ZNF516: variants seen among roughly 807,000 people sequenced by gnomAD.
ZNF516 encodes zinc finger protein 516.
In ZNF516, 19 loss-of-function variants were observed where a neutral mutation model predicts 79.7. The ratio of observed to expected loss-of-function variants is 0.24; its 90% CI spans 0.17 to 0.35. ZNF516 has a LOEUF of 0.35. ZNF516 is among the 10% of genes least tolerant of loss of function. The pLI, the probability that ZNF516 is intolerant of heterozygous loss-of-function variation, is 1.00. For missense variants in ZNF516, 1,678 were observed against 1,679.5 expected, an observed-to-expected ratio of 1.00 and a Z score of 0.02; for synonymous variants, 877 against 739.5, an observed-to-expected ratio of 1.19 and a Z score of -3.02.
chr18:76,374,517 T>C (rs145357955), intron 4 of ZNF516, among the ~76,000 whole-genome samples: 43 of 152,292 alleles, frequency 2.8e-4, no homozygotes, highest in African/African-American at 9.9e-4. Flanking sequence ...CCCGAACACA[T>C]GTGGGGGCGG....
At chr18:76,489,847 G>A (rs746464887) in intron 1 of ZNF516, among the ~76,000 whole-genome samples, 23 of 152,086 alleles carry the variant, frequency 1.5e-4, no homozygotes, top group Non-Finnish European at 2.5e-4. Flanking sequence ...ATAAAAATAG[G>A]CATAACTCCC....
chr18:76,480,018 A>C (rs947753357), intron 1 of ZNF516, among the ~76,000 whole-genome samples: 6 of 152,226 alleles, frequency 3.9e-5, no homozygotes, highest in Non-Finnish European at 8.8e-5. Context: ...GGAGATTTCT[A>C]ACTCAACCCT....
At chr18:76,425,050 G>T (rs1384958418) in intron 3 of ZNF516, among the ~76,000 whole-genome samples, 1 of 151,670 alleles carries the variant, frequency 6.6e-6, no homozygotes, top group African/African-American at 2.4e-5. Flanking sequence ...ACACACGCAG[G>T]TGAAAAGGTT....
chr18:76,494,607 C>T (rs1342975206), intron 1 of ZNF516, among the ~76,000 whole-genome samples: 1 of 152,114 alleles, frequency 6.6e-6, no homozygotes, highest in Non-Finnish European at 1.5e-5. Context: ...GTCCCCTAGG[C>T]AGCAGCGCGC....
In ZNF516 at chr18:76,378,985, T is replaced by C; in HGVS notation, c.3129A>G (p.Lys1043=). ...CATGCCCCTCGGCCACCGGCTCCTGTTTGATGGAGTGTAGGACGGGGGGCG... is the reference window on the plus strand; with the variant it reads ...CATGCCCCTCGGCCACCGGCTCCTGCTTGATGGAGTGTAGGACGGGGGGCG... ...AGAPPVLHSI[K]QEPVAEGHEK... The change falls in exon 4 of 7, where the codon AAA becomes AAG. Residue 1043 remains lysine (K), a synonymous_variant. Transcript: ENST00000443185. 6.2e-7 allele frequency: 1 copy of C among 1,613,346 alleles called. No homozygotes were observed. The highest frequency in any genetic ancestry group is 2.2e-5 in the East Asian group (1 of 44,860).
chr18:76,376,798 T>C (rs533430935), intron 4 of ZNF516, among the ~76,000 whole-genome samples: 1 of 152,126 alleles, frequency 6.6e-6, no homozygotes, highest in Non-Finnish European at 1.5e-5. Context: ...CTGGAGGGCA[T>C]GATTAATTAA....
At chr18:76,380,432 G>T in intron 3 of ZNF516, 129 bp from the exon 4 acceptor site, 1 of 1,272,286 alleles carries the variant, frequency 7.9e-7, no homozygotes, top group Non-Finnish European at 1.1e-6. Flanking sequence ...CCTTGAGTCT[G>T]GGTGGCTCTT....
At chr18:76,423,256 T>TAGGCC (rs1006253737) in intron 3 of ZNF516, among the ~76,000 whole-genome samples, 5 of 152,254 alleles carry the variant, frequency 3.3e-5, no homozygotes, top group Admixed American at 6.5e-5. Context: ...GATCAAATGC[T>TAGGCC]AGGGTTCATG....
At chr18:76,494,668 G>A (rs1915407653) in intron 1 of ZNF516, among the ~76,000 whole-genome samples, 1 of 151,970 alleles carries the variant, frequency 6.6e-6, no homozygotes, top group Non-Finnish European at 1.5e-5. Context: ...AATTGAAGCG[G>A]CTCCTCGGGC....
chr18:76,432,864 A>G (rs2075680792), intron 3 of ZNF516, among the ~76,000 whole-genome samples: 1 of 152,164 alleles, frequency 6.6e-6, no homozygotes, highest in Non-Finnish European at 1.5e-5. Flanking sequence ...CACAGTAACA[A>G]CAGATCAGTA....
intron 3 of ZNF516, among the ~76,000 whole-genome samples, chr18:76,384,132 G>T (rs1421037690): frequency 6.6e-6 from 1 of 152,026 alleles, no homozygotes; most frequent in African/African-American, 2.4e-5. Flanking sequence ...TCCCATTCTC[G>T]TGTGCACTCC....
At chr18:76,386,524 G>A (rs920444290) in intron 3 of ZNF516, 2 of 152,162 alleles carry the variant, frequency 1.3e-5, no homozygotes, top group African/African-American at 4.8e-5. Context: ...ACAATATTAA[G>A]ATTATACAGG....
intron 1 of ZNF516, among the ~76,000 whole-genome samples, chr18:76,466,408 C>T (rs982016573): frequency 6.6e-6 from 1 of 152,200 alleles, no homozygotes; most frequent in African/African-American, 2.4e-5. Flanking sequence ...AATGGTGCAC[C>T]CATGCTGCCA....
chr18:76,375,021 C>T (rs1408237860), intron 4 of ZNF516, among the ~76,000 whole-genome samples: 1 of 152,130 alleles, frequency 6.6e-6, no homozygotes, highest in Non-Finnish European at 1.5e-5. Flanking sequence ...AAGAAAAAAG[C>T]CCTAAGAAAG....
At chr18:76,405,099 G>A (rs1193361964) in intron 3 of ZNF516, among the ~76,000 whole-genome samples, 2 of 152,186 alleles carry the variant, frequency 1.3e-5, no homozygotes, top group Non-Finnish European at 2.9e-5. Flanking sequence ...CTCAGCACCT[G>A]ATGAACCAGC....
At position 76,442,851 on chromosome 18, in the gene ZNF516, G is replaced by A. The variant is rs755853395; in HGVS notation, c.204C>T (p.Asp68=). ...GGTTGCCCTTCTGGGAAGCCCGGTG[G>A]TCGCAGTAGGGACACTTGTAGGGCT... is the stretch of plus-strand genomic sequence containing the variant. The part of the protein sequence containing the change: ...GEKPYKCPYC[D]HRASQKGNLK... Residue 68 remains aspartate (D), a synonymous_variant, in exon 3 of 7, where the codon GAC becomes GAT. Transcript: ENST00000443185. The A allele has an allele frequency of 1.2e-6, 2 of 1,613,536 alleles. No individual in the cohort carries two copies. Among genetic ancestry groups the A allele is most frequent in the Non-Finnish European group, 1.7e-6 (2 of 1,179,718 alleles).
intron 1 of ZNF516, among the ~76,000 whole-genome samples, chr18:76,472,224 T>G (rs923114423): frequency 6.6e-5 from 10 of 152,194 alleles, no homozygotes; most frequent in Admixed American, 2.0e-4. Context: ...CCCATTGCCC[T>G]TGGGACGGAG....
At chr18:76,439,540 G>A (rs1326967974) in intron 3 of ZNF516, among the ~76,000 whole-genome samples, 1 of 152,124 alleles carries the variant, frequency 6.6e-6, no homozygotes, top group Non-Finnish European at 1.5e-5. Flanking sequence ...TATATATAAT[G>A]TCTTTAAGAC....
rs773125502 is a variant in ZNF516 at position 76,440,758 on chromosome 18, GTGTGCGCGCA to G, written c.1810+477_1810+486del. Reference sequence around the variant, plus strand: ...TGTGTGTGTTTGTGTGTGTGTGTGTGTGTGCGCGCACGCGCGCATGCATCGTATGGTGAGA... The same window carrying G: ...TGTGTGTGTTTGTGTGTGTGTGTGTGCGCGCGCATGCATCGTATGGTGAGA... On this transcript the variant is annotated intron_variant, in intron 3 of 6. Coordinates refer to ENST00000443185, the MANE Select transcript of ZNF516 (RefSeq NM_014643.4). Among the ~76,000 whole-genome samples, 513 of 149,786 alleles carry G rather than the reference GTGTGCGCGCA, an allele frequency of 3.4e-3. 8 individuals carry two copies. The highest frequency in any genetic ancestry group is 1.5e-3 in the Non-Finnish European group (99 of 67,816).
Sources: allele counts gnomAD v4.1 joint callset (sites outside exome capture counted in the v4.1 genomes callset), GRCh38; gene constraint gnomAD v4.1.1; transcripts MANE v1.5; gene names NCBI Gene and HGNC (gene_info 2026-07-23, HGNC 2026-07-21).